FANK1: variants seen among roughly 807,000 people sequenced by gnomAD.
FANK1 encodes fibronectin type 3 and ankyrin repeat domains protein 1.
FANK1 carries 44 observed loss-of-function variants against 45.3 expected under a neutral mutation model. The observed-to-expected ratio is 0.97, with a 90% confidence interval of 0.76 to 1.25. The LOEUF (loss-of-function observed/expected upper bound fraction) is 1.25, where lower values mean the gene tolerates loss of function less well. Among genes scored for constraint, FANK1 ranks in the 50% most tolerant of loss-of-function variants. The probability of loss-of-function intolerance (pLI) is 0.00; values close to 1 mark genes in which losing one functional copy is unlikely to be tolerated. For missense variants in FANK1, 391 were observed against 424.4 expected (o/e 0.92, Z 0.69); for synonymous variants, 149 against 152.5 (o/e 0.98, Z 0.17).
At chr10:125,980,956 G>A (rs1402912785) in intron 2 of FANK1, 2 of 152,406 alleles carry the variant, frequency 1.3e-5, no homozygotes, top group African/African-American at 2.4e-5. Context: ...TCAGAACCTT[G>A]TTTTGTATGC....
chr10:125,923,552 G>A (rs1299728664), intron 1 of FANK1, among the ~76,000 whole-genome samples: 2 of 151,942 alleles, frequency 1.3e-5, no homozygotes, highest in Non-Finnish European at 2.9e-5. Flanking sequence ...ATTTGAGACA[G>A]GGTCTCACTC....
chr10:125,899,100 G>A (rs1448270594), intron 1 of FANK1, among the ~76,000 whole-genome samples: 1 of 152,122 alleles, frequency 6.6e-6, no homozygotes, highest in Non-Finnish European at 1.5e-5. Flanking sequence ...CGCTGTTGTT[G>A]CCCAAGCTGG....
chr10:125,933,867 T>G (rs1947907409), intron 1 of FANK1, among the ~76,000 whole-genome samples: 2 of 152,184 alleles, frequency 1.3e-5, no homozygotes, highest in Admixed American at 1.3e-4. Flanking sequence ...TTTTAAAATT[T>G]CCATCTTGTT....
At chr10:125,937,881 A>T (rs1948202086) in intron 1 of FANK1, among the ~76,000 whole-genome samples, 1 of 152,224 alleles carries the variant, frequency 6.6e-6, no homozygotes, top group Non-Finnish European at 1.5e-5. Context: ...TAACTTTAAC[A>T]CGCTTAACAG....
chr10:125,937,080 AT>A (rs1383196444), intron 1 of FANK1, among the ~76,000 whole-genome samples: 3 of 152,148 alleles, frequency 2.0e-5, no homozygotes, highest in Non-Finnish European at 2.9e-5. Flanking sequence ...AAAAAAAAAA[AT>A]AAAATAATAC....
chr10:125,996,727 G>A, intron 5 of FANK1, 103 bp downstream of exon 5: 1 of 1,084,452 alleles, frequency 9.2e-7, no homozygotes, highest in Non-Finnish European at 1.4e-6. Flanking sequence ...GGCCATGGAG[G>A]AACCGTTTCT....
intron 1 of FANK1, among the ~76,000 whole-genome samples, chr10:125,974,366 T>C (rs7918092): frequency 0.23 from 35,076 of 152,094 alleles, 4,429 homozygotes; most frequent in East Asian, 0.31. Flanking sequence ...ACTTGGGACA[T>C]TGGCTCAAGG....
intron 3 of FANK1, chr10:125,994,871 C>T (rs1367605274): frequency 1.6e-5 from 16 of 985,368 alleles, no homozygotes; most frequent in Non-Finnish European, 1.9e-5. Flanking sequence ...AAGCTCTCTC[C>T]CCTAATTGGC....
At chr10:125,944,030 G>T (rs1948617256) in intron 1 of FANK1, among the ~76,000 whole-genome samples, 1 of 152,194 alleles carries the variant, frequency 6.6e-6, no homozygotes. Flanking sequence ...GGTTAAAGTT[G>T]CTCAGAACTT....
In FANK1 at chr10:125,956,196, A is replaced by T. The variant is rs892356330; in HGVS notation, c.14-23965A>T. Among the ~76,000 whole-genome samples, 43 of 89,766 alleles carry T rather than the reference A, an allele frequency of 4.8e-4. 1 individual carries two copies. Among genetic ancestry groups the T allele is most frequent in the Admixed American group, 3.7e-3 (26 of 7,096 alleles). The allele number at this position is 89,766 out of a possible 152,430, so 58.9% of individuals were successfully genotyped here. On this transcript the variant is annotated intron_variant, in intron 1 of 10. Coordinates refer to ENST00000368693, the MANE Select transcript of FANK1 (RefSeq NM_145235.5). Reference sequence around the variant, plus strand: ...GCTTAAACCAGTACTTCTATGATACATTTTTTGGGGGGGGGGCGGTGGTGG... The same window carrying T: ...GCTTAAACCAGTACTTCTATGATACTTTTTTTGGGGGGGGGGCGGTGGTGG...
At chr10:125,929,853 C>A (rs1392621430) in intron 1 of FANK1, among the ~76,000 whole-genome samples, 7 of 151,978 alleles carry the variant, frequency 4.6e-5, no homozygotes, top group Admixed American at 3.3e-4. Context: ...TGAGGTACAC[C>A]CTATGTAAAT....
At chr10:125,953,410 G>A (rs1465056909) in intron 1 of FANK1, among the ~76,000 whole-genome samples, 1 of 152,172 alleles carries the variant, frequency 6.6e-6, no homozygotes, top group Non-Finnish European at 1.5e-5. Flanking sequence ...AGTCACCTCA[G>A]GGTGACTGAT....
intron 3 of FANK1, among the ~76,000 whole-genome samples, chr10:125,992,035 T>C (rs1215221474): frequency 1.3e-5 from 2 of 152,224 alleles, no homozygotes; most frequent in Non-Finnish European, 2.9e-5. Context: ...ATAATTGTAA[T>C]TGCAACACTC....
At chr10:125,899,990 C>A (rs200236329) in intron 1 of FANK1, among the ~76,000 whole-genome samples, 1,286 of 107,060 alleles carry the variant, frequency 0.012, no homozygotes, top group South Asian at 0.039. Flanking sequence ...TGTTTCCACA[C>A]CCTTAGTTTT....
At chr10:126,003,102 C>T (rs1952900402) in intron 6 of FANK1, among the ~76,000 whole-genome samples, 1 of 112,352 alleles carries the variant, frequency 8.9e-6, no homozygotes, top group Non-Finnish European at 1.9e-5. Context: ...CCAGTCCTCT[C>T]TTTAAATTTT....
chr10:125,942,546 AAATT>A (rs2134155219), intron 1 of FANK1, among the ~76,000 whole-genome samples: 1 of 152,314 alleles, frequency 6.6e-6, no homozygotes, highest in East Asian at 1.9e-4. Flanking sequence ...AAAGAATACA[AAATT>A]AAGAAAACGA....
At chr10:125,957,155 T>C (rs553006070) in intron 1 of FANK1, among the ~76,000 whole-genome samples, 5 of 152,276 alleles carry the variant, frequency 3.3e-5, no homozygotes, top group African/African-American at 1.2e-4. Flanking sequence ...GCACCTGGCT[T>C]ACTGTAGACA....
intron 3 of FANK1, chr10:125,994,758 G>A (rs1303785435): frequency 3.0e-6 from 3 of 985,094 alleles, no homozygotes; most frequent in African/African-American, 1.7e-5. Context: ...TGTTGGCTTC[G>A]CTGTGGAGCT....
At chr10:125,929,843 T>A (rs1187191324) in intron 1 of FANK1, among the ~76,000 whole-genome samples, 5 of 152,120 alleles carry the variant, frequency 3.3e-5, no homozygotes, top group Non-Finnish European at 2.9e-5. Flanking sequence ...ACCCTCTACT[T>A]GAGGTACACC....
Sources: allele counts gnomAD v4.1 joint callset (sites outside exome capture counted in the v4.1 genomes callset), GRCh38; gene constraint gnomAD v4.1.1; transcripts MANE v1.5; gene names NCBI Gene and HGNC (gene_info 2026-07-23, HGNC 2026-07-21).